Variants in EPS15L1 observed in about 807,000 individuals in gnomAD.
EPS15L1 encodes epidermal growth factor receptor substrate 15-like 1.
Under a neutral mutation model 117.1 loss-of-function variants are expected in EPS15L1, and 43 were observed. The observed-to-expected ratio is 0.37, with a 90% CI of 0.29 to 0.47. EPS15L1 has a LOEUF of 0.47. EPS15L1 is among the 20% of genes least tolerant of loss of function. The probability of loss-of-function intolerance (pLI) is 0.99; values close to 1 mark genes in which losing one functional copy is unlikely to be tolerated. For missense variants in EPS15L1, 981 were observed against 1,164.0 expected (o/e 0.84, Z 2.29); for synonymous variants, 459 against 470.5 (o/e 0.98, Z 0.32).
At chr19:16,372,506 G>A (rs1835069803) in intron 22 of EPS15L1, among the ~76,000 whole-genome samples, 1 of 152,186 alleles carries the variant, frequency 6.6e-6, no homozygotes, top group Non-Finnish European at 1.5e-5. Flanking sequence ...AGCCCTCTTT[G>A]AAGTTCAACT....
chr19:16,456,680 C>CA (rs371091644), intron 1 of EPS15L1, among the ~76,000 whole-genome samples: 85 of 150,880 alleles, frequency 5.6e-4, no homozygotes, highest in African/African-American at 1.8e-3. Flanking sequence ...AAAAACAAAA[C>CA]AAACAAAAAA....
intron 5 of EPS15L1, 66 bp from the exon 6 acceptor site, chr19:16,437,065 C>T: frequency 7.1e-7 from 1 of 1,414,466 alleles, no homozygotes; most frequent in Non-Finnish European, 1.0e-6. Flanking sequence ...GGTGGGTTTG[C>T]TGAAAAGGAT....
intron 16 of EPS15L1, chr19:16,400,655 C>T (rs2092591324): frequency 1.0e-6 from 1 of 985,236 alleles, no homozygotes; most frequent in Non-Finnish European, 1.2e-6. Context: ...TGTATTTGTA[C>T]AACAGGATAA....
intron 13 of EPS15L1, among the ~76,000 whole-genome samples, chr19:16,406,943 GC>G (rs1450631168): frequency 6.6e-6 from 1 of 152,186 alleles, no homozygotes; most frequent in Non-Finnish European, 1.5e-5. Flanking sequence ...TATAAAAGAG[GC>G]CCCTGAGAGC....
Position 16,393,932 on chromosome 19 carries a change from G to C in EPS15L1, c.1966+19C>G. 1 of 1,613,236 alleles carries C rather than the reference G, an allele frequency of 6.2e-7. No homozygotes were observed. Among genetic ancestry groups the C allele is most frequent in the Non-Finnish European group, 8.5e-7 (1 of 1,179,270 alleles). On this transcript the variant is annotated intron_variant, in intron 18 of 23. Coordinates refer to ENST00000455140, the MANE Select transcript of EPS15L1 (RefSeq NM_001258374.3). ...CTGGACACAGTCTAAAGACCGGTCC[G>C]GGAAACACTGAATTTTACCTGTTGA...
chr19:16,438,667 C>A (rs1000018160), intron 4 of EPS15L1, among the ~76,000 whole-genome samples: 1 of 152,072 alleles, frequency 6.6e-6, no homozygotes, highest in African/African-American at 2.4e-5. Context: ...GTAGCTGGGA[C>A]CACAGGTGTG....
At chr19:16,386,059 A>T in intron 20 of EPS15L1, 112 bp downstream of exon 20, 2 of 820,324 alleles carry the variant, frequency 2.4e-6, no homozygotes, top group South Asian at 3.0e-5. Context: ...CCACTGACTG[A>T]TGACACAAAC....
chr19:16,420,124 C>A (rs558619359), intron 10 of EPS15L1, among the ~76,000 whole-genome samples: 1 of 152,238 alleles, frequency 6.6e-6, no homozygotes, highest in Non-Finnish European at 1.5e-5. Context: ...CCCAGCCACT[C>A]GCAGACACAT....
chr19:16,396,387 G>A (rs939655224), intron 16 of EPS15L1, among the ~76,000 whole-genome samples: 1 of 152,050 alleles, frequency 6.6e-6, no homozygotes, highest in African/African-American at 2.4e-5. Context: ...TCGGTCTCCC[G>A]AGTAGCCAGG....
chr19:16,455,784 T>G (rs1387721704), intron 1 of EPS15L1, among the ~76,000 whole-genome samples: 2 of 152,138 alleles, frequency 1.3e-5, no homozygotes, highest in Admixed American at 6.6e-5. Flanking sequence ...CTGTTGTGAT[T>G]CCTGGTATCC....
rs576372452 is a variant in EPS15L1, at chr19:16,361,759, A to T, written c.2586+20T>A. The T allele has an allele frequency of 4.4e-6, 7 of 1,605,526 alleles. No homozygotes were observed. Among genetic ancestry groups the T allele is most frequent in the Non-Finnish European group, 1.7e-6 (2 of 1,175,910 alleles). ...AGCGGAAGGGAGTGGGGTGGCCCGG[A>T]GGCGGAGGACTCAACTTACAGAGGT... On this transcript the variant is annotated intron_variant, in intron 23 of 23. Transcript: ENST00000455140.
chr19:16,442,038 A>T, intron 2 of EPS15L1, 57 bp from the exon 3 acceptor site: 2 of 1,516,606 alleles, frequency 1.3e-6, no homozygotes, highest in South Asian at 2.3e-5. Flanking sequence ...CAGCAGGTGA[A>T]GTGGCACCCG....
Position 16,418,071 on chromosome 19 carries a change from T to C in EPS15L1, c.984A>G (p.Leu328=). 1 of 1,614,170 alleles carries C rather than the reference T, an allele frequency of 6.2e-7. No homozygotes were observed. Among genetic ancestry groups the C allele is most frequent in the South Asian group, 1.1e-5 (1 of 91,084 alleles). Residue 328 remains leucine (L), a synonymous_variant, in exon 11 of 24, where the codon TTA becomes TTG. Transcript: ENST00000455140. ...ALADTRQTGK[L]SKDQFALAMY... is the part of the protein sequence containing the mutation. ...TAGCTAACGCGAATTGGTCTTTGCT[T>C]AACTTCCCCGTTTGCCTCGTATCGG...
In EPS15L1 at chr19:16,417,786, T is replaced by C. The variant is rs1036151121; in HGVS notation, c.1108-149A>G. 2.9e-5 allele frequency: 35 copies of C among 1,195,792 alleles called. 1 individual carries two copies. The Admixed American group carries it at 3.6e-4, about 12-fold the overall frequency. The allele number at this position is 1,195,792 out of a possible 1,614,324, so 74.1% of individuals were successfully genotyped here. A position where few individuals can be genotyped will look rare whatever the true frequency, so the allele number is the denominator to read the frequency against. Reference sequence around the variant, plus strand: ...AGTGTCAGCCCCCTGCCTGGGGAAATACCTGGGCAGCCAAGCCACCCTCCC... The same window carrying C: ...AGTGTCAGCCCCCTGCCTGGGGAAACACCTGGGCAGCCAAGCCACCCTCCC... On this transcript the variant is annotated intron_variant, in intron 11 of 23. Coordinates refer to ENST00000455140, the MANE Select transcript of EPS15L1 (RefSeq NM_001258374.3).
chr19:16,415,528 A>T (rs543228028), intron 12 of EPS15L1, among the ~76,000 whole-genome samples: 3 of 152,352 alleles, frequency 2.0e-5, no homozygotes, highest in African/African-American at 7.2e-5. Flanking sequence ...CCACAAGCCC[A>T]GAAACTTACA....
At chr19:16,418,243 C>G (rs910805143) in intron 10 of EPS15L1, 139 bp from the exon 11 acceptor site, 8 of 899,646 alleles carry the variant, frequency 8.9e-6, no homozygotes, top group Non-Finnish European at 1.3e-5. Flanking sequence ...AGCTCCTTCC[C>G]TACTTCACAT....
chr19:16,373,187 AGTCT>A (rs1416740153), intron 22 of EPS15L1, among the ~76,000 whole-genome samples: 2 of 152,152 alleles, frequency 1.3e-5, no homozygotes, highest in Non-Finnish European at 2.9e-5. Context: ...ACTTTTTGTC[AGTCT>A]GTCTATCTCC....
At chr19:16,458,900 T>G (rs2093221914) in intron 1 of EPS15L1, among the ~76,000 whole-genome samples, 1 of 152,040 alleles carries the variant, frequency 6.6e-6, no homozygotes, top group African/African-American at 2.4e-5. Context: ...GTCCTGAGAG[T>G]TGCATCGTCA....
chr19:16,417,957 C>T lies in EPS15L1; in HGVS notation c.1098G>A (p.Thr366=), dbSNP rs780484516. The T allele has an allele frequency of 5.0e-6, 8 of 1,613,116 alleles. No individual in the cohort carries two copies. In the Admixed American group the frequency reaches 1.2e-4, roughly 24 times the overall value. ...PDMVPPSERG[T]PGPDSSGSLG... is the part of the protein sequence containing the mutation. ...GACCAGCACCACTCACCGGGCCGGG[C>T]GTGCCTCTCTCCGAAGGCGGGACCA... Residue 366 remains threonine, a synonymous_variant, in exon 11 of 24, where the codon ACG becomes ACA. Transcript: ENST00000455140.
Sources: gnomAD v4.1 joint callset for allele counts (sites outside exome capture counted in the v4.1 genomes callset) on GRCh38, gnomAD v4.1.1 for gene constraint, MANE v1.5 for transcripts, NCBI Gene and HGNC (gene_info 2026-07-23, HGNC 2026-07-21) for gene names.